Variants in ZNF665 observed in about 807,000 individuals in gnomAD.
The protein encoded by ZNF665 is zinc finger protein 665.
A neutral mutation model predicts 7.9 loss-of-function variants in ZNF665; 6 were observed. The observed-to-expected ratio is 0.76, with a 90% CI of 0.42 to 1.50. The LOEUF (loss-of-function observed/expected upper bound fraction) is 1.50. ZNF665 is among the 40% of genes most tolerant of loss of function. ZNF665 has a pLI of 0.01. For synonymous variants in ZNF665, 242 were observed against 274.5 expected (o/e 0.88, Z 1.17); for missense variants, 819 against 806.7 (o/e 1.02, Z -0.18).
chr19:53,182,659 A>C (rs1341297449), intron 2 of ZNF665: 8 of 923,890 alleles, frequency 8.7e-6, no homozygotes, highest in Non-Finnish European at 1.2e-5. Context: ...TCGGGGTGTG[A>C]GCCCTTCCCA....
In ZNF665 at chr19:53,164,316, T is replaced by G. The variant is rs2090585991; in HGVS notation, c.*137A>C. The stretch of plus-strand genomic sequence containing the variant: ...CCACACCCAGCTAATTTTTGTATTT[T>G]TAGTAGAGACAGCGTTTCACCGTGT... On this transcript the variant is annotated 3_prime_UTR_variant, in exon 4 of 4. Transcript: ENST00000396424. The G allele has an allele frequency of 1.2e-5, 8 of 666,014 alleles. No individual in the cohort carries two copies. The highest frequency in any genetic ancestry group is 1.9e-5 in the Non-Finnish European group (8 of 412,160). 41.3% of individuals were successfully genotyped at this position (666,014 alleles called of 1,614,324 possible).
At chr19:53,175,651 G>T in intron 2 of ZNF665, 80 bp from the exon 3 acceptor site, 2 of 1,488,280 alleles carry the variant, frequency 1.3e-6, no homozygotes, top group Non-Finnish European at 1.8e-6. Context: ...GGAGAGAGCT[G>T]TAAGAATAGG....
At chr19:53,192,461 T>C (rs986549720) in intron 1 of ZNF665, among the ~76,000 whole-genome samples, 3 of 152,216 alleles carry the variant, frequency 2.0e-5, no homozygotes, top group African/African-American at 7.2e-5. Flanking sequence ...TTCATCTCTC[T>C]AGACAGCGAG....
Position 53,168,075 on chromosome 19 carries a change from A to G in ZNF665, c.143-1728T>C, listed in dbSNP as rs868415678. 8.3e-4 allele frequency among the ~76,000 whole-genome samples: 84 copies of G among 101,760 alleles called. 1 individual carries two copies. The highest frequency in any genetic ancestry group is 5.3e-3 in the East Asian group (17 of 3,190). 66.8% of individuals were successfully genotyped at this position (101,760 alleles called of 152,430 possible). A position where few individuals can be genotyped will look rare whatever the true frequency, so the allele number is the denominator to read the frequency against. On this transcript the variant is annotated intron_variant, in intron 3 of 3. Coordinates refer to ENST00000396424, the MANE Select transcript of ZNF665 (RefSeq NM_024733.5). ...CCTCTCAAAAAAAAAAAAAAAAAAA[A>G]AAAAAAAGAAAGAAAGAAAGAAAAG...
At chr19:53,180,315 C>G (rs189355310) in intron 2 of ZNF665, among the ~76,000 whole-genome samples, 1 of 151,970 alleles carries the variant, frequency 6.6e-6, no homozygotes, top group East Asian at 1.9e-4. Context: ...CACCTGTAAT[C>G]CCAGCTACTC....
intron 3 of ZNF665, among the ~76,000 whole-genome samples, chr19:53,171,921 C>T (rs1286311154): frequency 6.6e-6 from 1 of 151,772 alleles, no homozygotes; most frequent in East Asian, 1.9e-4. Context: ...CACCCAGCTA[C>T]TTTTTGTATG....
intron 2 of ZNF665, chr19:53,182,674 C>T: frequency 2.0e-6 from 2 of 1,013,520 alleles, no homozygotes; most frequent in Non-Finnish European, 3.0e-6. Context: ...TTCCCAGGTC[C>T]ATGCCCCGTG....
Position 53,165,507 on chromosome 19 carries a change from C to T in ZNF665, c.983G>A (p.Ser328Asn), listed in dbSNP as rs1391911432. 8 of 1,613,862 alleles carry T rather than the reference C, an allele frequency of 5.0e-6. No individual in the cohort carries two copies. Among genetic ancestry groups the T allele is most frequent in the Non-Finnish European group, 6.8e-6 (8 of 1,179,900 alleles). ...YKCNECGKAF[S>N]VRSSLTTHQT... Reference sequence around the variant, plus strand: ...ATGGGTAGTCAGGCTTGAGCGAACACTAAAGGCTTTGCCACACTCATTACA... The same window carrying T: ...ATGGGTAGTCAGGCTTGAGCGAACATTAAAGGCTTTGCCACACTCATTACA... The change falls in exon 4 of 4, where the codon AGT (serine) becomes AAT (asparagine). Residue 328 changes from serine (S) to asparagine (N), a missense_variant. Coordinates refer to ENST00000396424, the MANE Select transcript of ZNF665 (RefSeq NM_024733.5).
intron 2 of ZNF665, among the ~76,000 whole-genome samples, chr19:53,176,611 CTG>C (rs1397169936): frequency 1.3e-5 from 2 of 152,322 alleles, no homozygotes; most frequent in Admixed American, 1.3e-4. Flanking sequence ...AAGCCACAAT[CTG>C]TGTTTGTGAA....
intron 3 of ZNF665, among the ~76,000 whole-genome samples, chr19:53,169,229 G>C (rs959519661): frequency 2.0e-5 from 3 of 151,924 alleles, no homozygotes; most frequent in Non-Finnish European, 2.9e-5. Flanking sequence ...AAAACAAAAA[G>C]CCCAATTTTA....
At chr19:53,171,785 C>T (rs1055376185) in intron 3 of ZNF665, among the ~76,000 whole-genome samples, 6 of 151,910 alleles carry the variant, frequency 3.9e-5, no homozygotes, top group African/African-American at 1.5e-4. Context: ...AAGAGAGTCT[C>T]ATTCTGATGC....
intron 3 of ZNF665, among the ~76,000 whole-genome samples, chr19:53,174,050 G>A (rs1599876576): frequency 1.3e-5 from 2 of 152,292 alleles, no homozygotes; most frequent in African/African-American, 4.8e-5. Context: ...GGCCCCAGGT[G>A]CAAAGGAGAA....
At chr19:53,184,239 G>C (rs1192475620) in intron 1 of ZNF665, among the ~76,000 whole-genome samples, 1 of 152,012 alleles carries the variant, frequency 6.6e-6, no homozygotes, top group Non-Finnish European at 1.5e-5. Context: ...GACAGAGCGA[G>C]ACCCTGTCTC....
At chr19:53,176,245 G>C (rs2090697369) in intron 2 of ZNF665, among the ~76,000 whole-genome samples, 1 of 152,148 alleles carries the variant, frequency 6.6e-6, no homozygotes, top group Non-Finnish European at 1.5e-5. Flanking sequence ...CAAAAGGGAA[G>C]AAGGGCTGAA....
chr19:53,190,655 C>A (rs949893142), intron 1 of ZNF665, among the ~76,000 whole-genome samples: 1 of 152,112 alleles, frequency 6.6e-6, no homozygotes, highest in Non-Finnish European at 1.5e-5. Flanking sequence ...TTAGGTAGGC[C>A]GGGTGCGGTA....
chr19:53,174,214 G>A (rs2090679556), intron 3 of ZNF665, among the ~76,000 whole-genome samples: 1 of 152,142 alleles, frequency 6.6e-6, no homozygotes, highest in South Asian at 2.1e-4. Context: ...AGCACAGAAG[G>A]AGAGACTAAG....
intron 3 of ZNF665, among the ~76,000 whole-genome samples, chr19:53,174,945 CAA>C (rs1168901820): frequency 2.5e-4 from 11 of 44,198 alleles, no homozygotes; most frequent in African/African-American, 2.4e-4. Flanking sequence ...AACTCCGTCT[CAA>C]AAAAAAAAAA....
intron 3 of ZNF665, among the ~76,000 whole-genome samples, chr19:53,173,851 G>A (rs999205089): frequency 6.6e-6 from 1 of 152,046 alleles, no homozygotes; most frequent in Non-Finnish European, 1.5e-5. Flanking sequence ...ATACATGCCC[G>A]ATGTAGGACT....
intron 3 of ZNF665, among the ~76,000 whole-genome samples, chr19:53,169,775 T>C (rs1234739278): frequency 1.4e-5 from 2 of 144,112 alleles, no homozygotes; most frequent in Non-Finnish European, 3.0e-5. Flanking sequence ...TGAGTGAGAA[T>C]ATGCGGTGTT....
Sources: gnomAD v4.1 joint callset for allele counts (sites outside exome capture counted in the v4.1 genomes callset) on GRCh38, gnomAD v4.1.1 for gene constraint, MANE v1.5 for transcripts, NCBI Gene and HGNC (gene_info 2026-07-23, HGNC 2026-07-21) for gene names.